The following OVCH1 variants were observed in gnomAD, a reference collection of about 807,000 sequenced individuals.
OVCH1 encodes ovochymase-1.
In OVCH1, 139 loss-of-function variants were observed where a neutral mutation model predicts 138.4. That is an observed-to-expected ratio of 1.00 (90% CI 0.87 to 1.16). The LOEUF is 1.16. Ranked by LOEUF, OVCH1 falls within the 50% of genes most tolerant of loss-of-function variation. The probability of loss-of-function intolerance (pLI) is 0.00; values close to 1 mark genes in which losing one functional copy is unlikely to be tolerated. For missense variants in OVCH1, 1,367 were observed against 1,357.9 expected, an observed-to-expected ratio of 1.01 and a Z score of -0.11; for synonymous variants, 453 against 467.8, an observed-to-expected ratio of 0.97 and a Z score of 0.41.
chr12:29,402,687 AAGT>A, the OVCH1 span, among the ~76,000 whole-genome samples: 2 of 151,830 alleles, frequency 1.3e-5, no homozygotes, highest in Non-Finnish European at 2.9e-5. Context: ...ATTGAAAAAA[AAGT>A]AGAGGGATTG....
chr12:29,414,324 C>T (rs1941004169), intron 3 of OVCH1, among the ~76,000 whole-genome samples: 1 of 152,286 alleles, frequency 6.6e-6, no homozygotes, highest in Non-Finnish European at 1.5e-5. Flanking sequence ...GTCCAGCCTG[C>T]CAACTGCTTT....
chr12:29,434,261 A>G (rs1157420905), intron 26 of OVCH1, among the ~76,000 whole-genome samples: 1 of 152,202 alleles, frequency 6.6e-6, no homozygotes, highest in Admixed American at 6.5e-5. Context: ...TGCTAGGGAT[A>G]AAAATTTCTG....
intron 9 of OVCH1, 23 bp downstream of exon 10, chr12:29,478,812 A>T: frequency 6.7e-7 from 1 of 1,500,556 alleles, no homozygotes; most frequent in Non-Finnish European, 9.0e-7. Flanking sequence ...AATGACAAAT[A>T]AAAACAAATG....
intron 22 of OVCH1, among the ~76,000 whole-genome samples, chr12:29,450,802 G>T (rs1314569621): frequency 6.6e-6 from 1 of 152,106 alleles, no homozygotes; most frequent in Non-Finnish European, 1.5e-5. Context: ...TAAAGAAAAT[G>T]TGGCACATAT....
chr12:29,469,954 A>G (rs944545072), intron 16 of OVCH1, among the ~76,000 whole-genome samples: 20 of 152,276 alleles, frequency 1.3e-4, no homozygotes, highest in Non-Finnish European at 2.2e-4. Flanking sequence ...AAAAATATCA[A>G]TGCCCCAGAA....
chr12:29,484,541 A>G (rs1032253380), intron 8 of OVCH1, among the ~76,000 whole-genome samples, 172 bp downstream of exon 9: 1 of 152,120 alleles, frequency 6.6e-6, no homozygotes, highest in African/African-American at 2.4e-5. Flanking sequence ...TGTAATCCCT[A>G]CTACTTAGTA....
At chr12:29,455,274 CAAG>C in exon 20 of OVCH1, 1 of 1,613,316 alleles carries the variant, frequency 6.2e-7, no homozygotes, top group Non-Finnish European at 8.5e-7. Flanking sequence ...GGATCCAGTC[CAAG>C]AAGATCATCA....
intron 27 of OVCH1, among the ~76,000 whole-genome samples, chr12:29,432,527 G>T (rs757345204): frequency 1.3e-5 from 2 of 152,060 alleles, no homozygotes; most frequent in Non-Finnish European, 2.9e-5. Flanking sequence ...GGAAATCAAG[G>T]GTTCAATTTT....
chr12:29,454,063 A>G (rs975852163), intron 21 of OVCH1, among the ~76,000 whole-genome samples: 1 of 152,120 alleles, frequency 6.6e-6, no homozygotes, highest in Non-Finnish European at 1.5e-5. Context: ...TCCGATCTCC[A>G]TCTATTCCCA....
chr12:29,450,349 G>A (rs1261865550), intron 22 of OVCH1, among the ~76,000 whole-genome samples: 1 of 152,014 alleles, frequency 6.6e-6, no homozygotes, highest in East Asian at 1.9e-4. Context: ...TCAAAAAGTG[G>A]GCAAAGGATA....
rs547470132 is a variant in OVCH1 at position 29,443,467 on chromosome 12, G to A, written c.3051C>T (p.His1017=). The stretch of plus-strand genomic sequence containing the variant: ...AGTTAATAATATTAAGCTGAATGAT[G>A]TGATTTAAAGGGGCTACTAATCTCC... The change falls in exon 25 of 28, where the codon CAC becomes CAT. Residue 1017 remains histidine, a synonymous_variant. Coordinates refer to ENST00000318184, the Ensembl canonical transcript of OVCH1. 4 of 1,608,664 alleles carry A rather than the reference G, an allele frequency of 2.5e-6. No homozygotes were observed. In the Admixed American group the frequency reaches 5.0e-5, roughly 20 times the overall value.
chr12:29,412,171 T>A (rs1294679455), downstream of OVCH1, among the ~76,000 whole-genome samples: 3 of 152,114 alleles, frequency 2.0e-5, no homozygotes, highest in Admixed American at 6.5e-5. Context: ...AGCGCAGTAC[T>A]TGGGCAGGAG....
chr12:29,423,894 G>T (rs1416312591), downstream of OVCH1, among the ~76,000 whole-genome samples: 1 of 152,162 alleles, frequency 6.6e-6, no homozygotes, highest in Admixed American at 6.5e-5. Flanking sequence ...ATGCTTTCAT[G>T]TCAAGTAAAG....
chr12:29,414,458 C>G (rs190263973), intron 3 of OVCH1, among the ~76,000 whole-genome samples: 1 of 152,154 alleles, frequency 6.6e-6, no homozygotes, highest in African/African-American at 2.4e-5. Flanking sequence ...CTGTTTTTTG[C>G]TTAAGAGCTG....
intron 13 of OVCH1, 31 bp downstream of exon 13, chr12:29,476,175 C>CT: frequency 1.3e-6 from 2 of 1,560,338 alleles, no homozygotes. Flanking sequence ...TCGTCTAACA[C>CT]TTTCATATTT....
exon 12 of OVCH1, chr12:29,477,138 A>G: frequency 6.2e-7 from 1 of 1,612,906 alleles, no homozygotes; most frequent in Non-Finnish European, 8.5e-7. Context: ...AAATGAACCA[A>G]TGACACCTTG....
intron 6 of OVCH1, 148 bp from the exon 7 acceptor site, chr12:29,488,030 TC>T: frequency 2.6e-6 from 2 of 767,048 alleles, no homozygotes; most frequent in South Asian, 4.4e-5. Context: ...TTTTTGTTTA[TC>T]CATTTTCTTG....
At chr12:29,478,887 A>G (rs749849824) in exon 9 of OVCH1, 2 of 1,587,138 alleles carry the variant, frequency 1.3e-6, no homozygotes, top group Non-Finnish European at 1.7e-6. Context: ...GATCACATCC[A>G]ACTTGCTTTT....
chr12:29,483,657 G>T (rs1209978884), intron 8 of OVCH1, among the ~76,000 whole-genome samples: 1 of 152,000 alleles, frequency 6.6e-6, no homozygotes. Flanking sequence ...GTCACAGTGG[G>T]ATACTCAAAA....
Sources: gnomAD v4.1 joint callset for allele counts (sites outside exome capture counted in the v4.1 genomes callset) on GRCh38, gnomAD v4.1.1 for gene constraint, MANE v1.5 for transcripts, NCBI Gene and HGNC (gene_info 2026-07-23, HGNC 2026-07-21) for gene names.